The following MEMO1 variants were observed in gnomAD, a reference collection of about 807,000 sequenced individuals.
MEMO1 encodes the protein protein MEMO1.
Under a neutral mutation model 45.2 loss-of-function variants are expected in MEMO1, and 6 were observed. The observed-to-expected ratio is 0.13, with a 90% confidence interval of 0.07 to 0.26. MEMO1 has a LOEUF of 0.26. Ranked by LOEUF, MEMO1 falls within the 10% of genes least tolerant of loss-of-function variation. MEMO1 has a pLI of 1.00. For synonymous variants in MEMO1, 78 were observed against 124.3 expected (o/e 0.63, Z 2.48); for missense variants, 184 against 370.5 (o/e 0.50, Z 4.13).
At chr2:31,873,706 C>T (rs1002787886) in intron 8 of MEMO1, among the ~76,000 whole-genome samples, 1 of 151,884 alleles carries the variant, frequency 6.6e-6, no homozygotes, top group East Asian at 1.9e-4. Context: ...TAATTAACAC[C>T]ATATTATCAA....
At chr2:31,879,390 C>A (rs1008218187) in intron 8 of MEMO1, among the ~76,000 whole-genome samples, 9 of 152,126 alleles carry the variant, frequency 5.9e-5, no homozygotes, top group African/African-American at 2.2e-4. Context: ...GATCTAACTC[C>A]CCCTTTGTTC....
chr2:31,966,488 TG>T (rs2148435556), intron 2 of MEMO1, among the ~76,000 whole-genome samples: 1 of 152,278 alleles, frequency 6.6e-6, no homozygotes. Flanking sequence ...CCTAGCCCTT[TG>T]GGAGGCCAAG....
chr2:31,978,257 G>A (rs1358892475), intron 2 of MEMO1, among the ~76,000 whole-genome samples: 1 of 151,836 alleles, frequency 6.6e-6, no homozygotes, highest in Non-Finnish European at 1.5e-5. Context: ...CGTGGTGGTG[G>A]GCACCTGTAA....
intron 8 of MEMO1, among the ~76,000 whole-genome samples, chr2:31,872,805 G>A (rs1673979797): frequency 2.0e-5 from 3 of 152,046 alleles, no homozygotes; most frequent in African/African-American, 4.8e-5. Context: ...TGGTTTAAGA[G>A]GTATGCCTCT....
chr2:31,990,066 A>C (rs955950317), intron 2 of MEMO1, among the ~76,000 whole-genome samples: 1 of 152,196 alleles, frequency 6.6e-6, no homozygotes, highest in Admixed American at 6.5e-5. Context: ...GCAATGAGCC[A>C]TGAGCATGCC....
At chr2:31,870,399 CAA>C (rs1174836590) in intron 8 of MEMO1, among the ~76,000 whole-genome samples, 4 of 152,068 alleles carry the variant, frequency 2.6e-5, no homozygotes, top group African/African-American at 9.7e-5. Context: ...CATGAAAAAT[CAA>C]GAGATAATTT....
intron 3 of MEMO1, among the ~76,000 whole-genome samples, chr2:31,933,731 G>C (rs537317410): frequency 6.6e-6 from 1 of 152,140 alleles, no homozygotes; most frequent in South Asian, 2.1e-4. Flanking sequence ...TGAAATCAGT[G>C]AAGGCCTTAA....
intron 6 of MEMO1, among the ~76,000 whole-genome samples, chr2:31,911,233 GA>G (rs1680522650): frequency 1.3e-5 from 2 of 152,174 alleles, no homozygotes; most frequent in Non-Finnish European, 2.9e-5. Flanking sequence ...AGACATGGAG[GA>G]ATCTTGAAGG....
chr2:31,997,988 A>C (rs1323423406), intron 2 of MEMO1, among the ~76,000 whole-genome samples: 2 of 152,162 alleles, frequency 1.3e-5, no homozygotes, highest in Non-Finnish European at 2.9e-5. Flanking sequence ...AAATCTACAT[A>C]AATTATGCTG....
chr2:31,947,503 G>C (rs138129258), intron 2 of MEMO1, among the ~76,000 whole-genome samples: 185 of 152,268 alleles, frequency 1.2e-3, no homozygotes, highest in African/African-American at 4.1e-3. Context: ...TACGTGCTTT[G>C]ATTTTCAAAT....
intron 2 of MEMO1, among the ~76,000 whole-genome samples, chr2:31,986,292 G>A (rs959388856): frequency 1.3e-5 from 2 of 151,838 alleles, no homozygotes; most frequent in African/African-American, 2.4e-5. Flanking sequence ...CCAGCCAGTC[G>A]GGAGGCTGAG....
chr2:31,995,654 A>C (rs1340832820), intron 2 of MEMO1, among the ~76,000 whole-genome samples: 1 of 152,116 alleles, frequency 6.6e-6, no homozygotes, highest in African/African-American at 2.4e-5. Context: ...GGAGAATATT[A>C]AGCTATGCAA....
chr2:31,875,733 C>G (rs556802993), intron 8 of MEMO1, among the ~76,000 whole-genome samples: 9 of 152,224 alleles, frequency 5.9e-5, no homozygotes, highest in Non-Finnish European at 1.0e-4. Context: ...GTCCCCAGAG[C>G]TGGAGTGCAG....
At chr2:31,941,526 T>C (rs72796833) in intron 3 of MEMO1, among the ~76,000 whole-genome samples, 4,773 of 152,302 alleles carry the variant, frequency 0.031, 120 homozygotes, top group Non-Finnish European at 0.048. Flanking sequence ...AGTACCAAAA[T>C]GCTAGTACCA....
intron 2 of MEMO1, among the ~76,000 whole-genome samples, chr2:31,965,603 CTT>C (rs1470213256): frequency 1.3e-5 from 2 of 152,140 alleles, no homozygotes; most frequent in East Asian, 1.9e-4. Flanking sequence ...AAACAAAACT[CTT>C]TTAAGTTTCA....
intron 4 of MEMO1, among the ~76,000 whole-genome samples, chr2:31,924,350 G>T (rs996302737): frequency 6.6e-6 from 1 of 151,740 alleles, no homozygotes; most frequent in Non-Finnish European, 1.5e-5. Flanking sequence ...GGCATTAGAA[G>T]CAATGCCACT....
intron 2 of MEMO1, among the ~76,000 whole-genome samples, chr2:31,965,174 T>C (rs1019945745): frequency 2.0e-5 from 3 of 149,370 alleles, no homozygotes; most frequent in Non-Finnish European, 4.4e-5. Context: ...GATCGCACCA[T>C]TGCACTCCAG....
chr2:32,004,156 G>C (rs906459152), intron 2 of MEMO1, among the ~76,000 whole-genome samples: 5 of 151,998 alleles, frequency 3.3e-5, no homozygotes, highest in Non-Finnish European at 5.9e-5. Context: ...CATCCAACTT[G>C]GGCAACAGAG....
At chr2:31,870,035 GTTAC>G in intron 8 of MEMO1, 83 bp from the exon 9 acceptor site, 2 of 1,065,092 alleles carry the variant, frequency 1.9e-6, no homozygotes, top group Admixed American at 3.9e-5. Context: ...TTTTAAAACT[GTTAC>G]TTAAACATAA....
Sources: allele counts gnomAD v4.1 joint callset (sites outside exome capture counted in the v4.1 genomes callset), GRCh38; gene constraint gnomAD v4.1.1; transcripts MANE v1.5; gene names NCBI Gene and HGNC (gene_info 2026-07-23, HGNC 2026-07-21).